PRAMEF11: variants seen among roughly 807,000 people sequenced by gnomAD.
PRAMEF11 encodes the protein PRAME family member 11.
Under a neutral mutation model 33.6 loss-of-function variants are expected in PRAMEF11, and 17 were observed. The ratio of observed to expected loss-of-function variants is 0.51; its 90% CI spans 0.35 to 0.76. The LOEUF (loss-of-function observed/expected upper bound fraction) is 0.76, where lower values mean the gene tolerates loss of function less well. Among genes scored for constraint, PRAMEF11 ranks in the 30% least tolerant of loss-of-function variants. PRAMEF11 has a pLI of 0.01. For synonymous variants in PRAMEF11, 205 were observed against 227.3 expected (o/e 0.90, Z 0.88); for missense variants, 568 against 567.0 (o/e 1.00, Z -0.02).
At chr1:12,831,331 G>A (rs1169510740) in intron 1 of PRAMEF11, 25 bp downstream of exon 1, 1 of 151,114 alleles carries the variant, frequency 6.6e-6, no homozygotes, top group Non-Finnish European at 1.5e-5. Flanking sequence ...AGATGGGAGT[G>A]TCCTTACAGA....
chr1:12,828,099 C>T (rs1639915164), intron 2 of PRAMEF11, among the ~76,000 whole-genome samples: 1 of 149,900 alleles, frequency 6.7e-6, no homozygotes, highest in Admixed American at 6.7e-5. Flanking sequence ...GATTCTCCTG[C>T]CTCAACCTCA....
rs1557608470 is a variant in PRAMEF11, at chr1:12,825,073, T to C, written c.1306A>G (p.Ile436Val). 6.2e-7 allele frequency: 1 copy of C among 1,609,792 alleles called. No homozygotes were observed. The highest frequency in any genetic ancestry group is 8.5e-7 in the Non-Finnish European group (1 of 1,177,758). Residue 436 changes from isoleucine to valine, a missense_variant, in exon 4 of 4, where the codon ATT becomes GTT. Around this residue, in one of 3 missense-constraint regions of PRAMEF11, gnomAD observed 174 missense variants for 127.2 expected, o/e 1.37. Coordinates refer to ENST00000619922, the MANE Select transcript of PRAMEF11 (RefSeq NM_001146344.3). ...GTLCWSRFAQIRAELMKKVRH... is the reference protein window; with the variant it reads ...GTLCWSRFAQVRAELMKKVRH... ...ACTTTCTTCATCAGCTCAGCCCTAATTTGAGCAAATCTGCTCCAGCAGAGA... is the reference window on the plus strand; with the variant it reads ...ACTTTCTTCATCAGCTCAGCCCTAACTTGAGCAAATCTGCTCCAGCAGAGA...
At position 12,825,129 on chromosome 1, in the gene PRAMEF11, G is replaced by A. The variant is rs146964579; in HGVS notation, c.1250C>T (p.Ala417Val). Residue 417 changes from alanine (A) to valine (V), a missense_variant, in exon 4 of 4, where the codon GCC becomes GTC. By Grantham distance (64) the Ala-to-Val change is moderately conservative. This residue lies in a region of PRAMEF11 where 174 missense variants were observed against 127.2 expected (regional missense o/e 1.37). Transcript: ENST00000619922. ...LKNLCLELYP[A>V]PQESYGADGT... ...ATCAGCACCATAACTTTCCTGCGGG[G>A]CAGGATACAGCTCCAGGCATAAGTT... is the stretch of plus-strand genomic sequence containing the variant. 4.9e-4 allele frequency: 788 copies of A among 1,609,426 alleles called. 20 individuals carry two copies. The African/African-American group carries it at 9.7e-3, about 20-fold the overall frequency.
chr1:12,828,893 C>G (rs61777006), intron 1 of PRAMEF11, 88 bp from the exon 2 acceptor site: 3 of 1,571,066 alleles, frequency 1.9e-6, no homozygotes, highest in South Asian at 1.1e-5. Flanking sequence ...AGTCACTGCT[C>G]TGGCAATGGT....
intron 1 of PRAMEF11, 74 bp from the exon 2 acceptor site, chr1:12,828,879 C>G (rs1483355503): frequency 1.3e-6 from 2 of 1,591,918 alleles, no homozygotes; most frequent in East Asian, 2.3e-5. Flanking sequence ...TCTCCCAGGG[C>G]CAAAGTCACT....
intron 1 of PRAMEF11, among the ~76,000 whole-genome samples, chr1:12,829,077 C>T (rs1429517746): frequency 2.0e-5 from 3 of 151,312 alleles, no homozygotes; most frequent in Non-Finnish European, 4.4e-5. Flanking sequence ...GTGGAGGAAC[C>T]TGAAAGTGAA....
rs61664550 is a variant in PRAMEF11, at chr1:12,828,686, G to A, written c.104C>T (p.Thr35Met). Residue 35 changes from threonine to methionine, a missense_variant, in exon 2 of 4, where the codon ACG (threonine) becomes ATG (methionine). Physicochemically the swap from Thr to Met is moderately conservative, Grantham distance 81. Around this residue, in one of 3 missense-constraint regions of PRAMEF11, gnomAD observed 342 missense variants for 312.0 expected, o/e 1.10. Transcript: ENST00000619922. Reference sequence around the variant, plus strand: ...CATGAACAGTGGGGGGAAAAGTTCCGTGGGCAGCTCCTCCAGGGTGGAGAC... The same window carrying A: ...CATGAACAGTGGGGGGAAAAGTTCCATGGGCAGCTCCTCCAGGGTGGAGAC... ...LAVSTLEELP[T>M]ELFPPLFMEA... 6.4e-4 allele frequency: 1,035 copies of A among 1,610,458 alleles called. 26 individuals carry two copies. The African/African-American group carries it at 0.012, about 18-fold the overall frequency.
At position 12,824,893 on chromosome 1, in the gene PRAMEF11, A is replaced by C. The variant is rs534117334; in HGVS notation, c.*49T>G. On this transcript the variant is annotated 3_prime_UTR_variant, in exon 4 of 4. Coordinates refer to ENST00000619922, the MANE Select transcript of PRAMEF11 (RefSeq NM_001146344.3). ...ACCTAAGACCTAGGTTTTAGTTTCC[A>C]AGTGTCCAGAAGAAAGCGTTTGACA... 227 of 1,601,192 alleles carry C rather than the reference A, an allele frequency of 1.4e-4. 6 individuals are homozygous for C. Among genetic ancestry groups the C allele is most frequent in the Admixed American group, 4.8e-4 (28 of 58,550 alleles).
At chr1:12,828,409 C>T (rs1639924219) in intron 2 of PRAMEF11, 88 bp downstream of exon 2, 7 of 1,447,064 alleles carry the variant, frequency 4.8e-6, no homozygotes, top group Non-Finnish European at 6.6e-6. Context: ...ACCACCATCC[C>T]CCTTGGGCCT....
In PRAMEF11 at chr1:12,830,285, G is replaced by A. The variant is rs770546664; in HGVS notation, c.-17+1071C>T. Reference sequence around the variant, plus strand: ...TATATCCAAAGATCACCTAGGTGGCGTAATTCTTTTTGGTGTTGAGGGAGC... The same window carrying A: ...TATATCCAAAGATCACCTAGGTGGCATAATTCTTTTTGGTGTTGAGGGAGC... On this transcript the variant is annotated intron_variant, in intron 1 of 3. Transcript: ENST00000619922. 3.6e-4 allele frequency among the ~76,000 whole-genome samples: 55 copies of A among 151,118 alleles called. 3 individuals carry two copies. Among genetic ancestry groups the A allele is most frequent in the Non-Finnish European group, 7.1e-4 (48 of 67,704 alleles).
intron 1 of PRAMEF11, among the ~76,000 whole-genome samples, chr1:12,829,596 C>A (rs1206078203): frequency 6.6e-6 from 1 of 151,358 alleles, no homozygotes; most frequent in African/African-American, 2.4e-5. Flanking sequence ...TTTGTAAAGA[C>A]AGTGGATTTC....
At chr1:12,825,951 G>T (rs1224684623) in intron 3 of PRAMEF11, among the ~76,000 whole-genome samples, 2 of 147,832 alleles carry the variant, frequency 1.4e-5, no homozygotes, top group South Asian at 4.5e-4. Flanking sequence ...TCCAGCCTGG[G>T]TGACAGAGTG....
chr1:12,827,450 T>A lies in PRAMEF11; in HGVS notation c.674A>T (p.Gln225Leu), dbSNP rs764344867. The A allele has an allele frequency of 2.5e-6, 4 of 1,610,302 alleles. 1 individual carries two copies. In the African/African-American group the frequency reaches 5.4e-5, roughly 22 times the overall value. Residue 225 changes from glutamine (Q) to leucine (L), a missense_variant, in exon 3 of 4, where the codon CAG (glutamine) becomes CTG (leucine). Gln to Leu is a moderately radical substitution (Grantham distance 113). Transcript: ENST00000619922. ...CAAGTGGCCCAGGTATGGGGTAAAC[T>A]GTGTCAGGATGGGCAGTATCCACTT... ...NCKWILPILTQFTPYLGHLRN... is the reference protein window; with the variant it reads ...NCKWILPILTLFTPYLGHLRN...
chr1:12,826,934 A>G (rs1478179145), intron 3 of PRAMEF11, among the ~76,000 whole-genome samples: 1 of 151,130 alleles, frequency 6.6e-6, no homozygotes, highest in Non-Finnish European at 1.5e-5. Context: ...CCTATTTTTC[A>G]TCATCTTAAC....
intron 3 of PRAMEF11, among the ~76,000 whole-genome samples, chr1:12,826,934 A>T (rs1478179145): frequency 1.3e-5 from 2 of 151,242 alleles, no homozygotes; most frequent in Middle Eastern, 3.5e-3. Context: ...CCTATTTTTC[A>T]TCATCTTAAC....
Position 12,827,512 on chromosome 1 carries a change from C to T in PRAMEF11, c.612G>A (p.Val204=), listed in dbSNP as rs267597974. The T allele has an allele frequency of 4.3e-5, 70 of 1,611,278 alleles. 1 individual carries two copies. Among genetic ancestry groups the T allele is most frequent in the Non-Finnish European group, 5.3e-5 (63 of 1,179,178 alleles). Residue 204 remains valine (V), a synonymous_variant, in exon 3 of 4, where the codon GTG becomes GTA. Coordinates refer to ENST00000619922, the MANE Select transcript of PRAMEF11 (RefSeq NM_001146344.3). ...FRNIRSILKM[V]NLDCIQEVEV... ...CCACCTCCTGGATACAGTCTAGGTTCACCATTTTCAGGATGCTTCTGATAT... is the reference window on the plus strand; with the variant it reads ...CCACCTCCTGGATACAGTCTAGGTTTACCATTTTCAGGATGCTTCTGATAT...
Position 12,828,673 on chromosome 1 carries a change from G to C in PRAMEF11, c.117C>G (p.Pro39=). The C allele has an allele frequency of 1.2e-6, 2 of 1,603,676 alleles. No homozygotes were observed. The highest frequency in any genetic ancestry group is 1.7e-6 in the Non-Finnish European group (2 of 1,174,144). Residue 39 remains proline, a synonymous_variant, in exon 2 of 4, where the codon CCC becomes CCG. Transcript: ENST00000619922. ...TLEELPTELF[P]PLFMEAFSRR... is the part of the protein sequence containing the mutation. Reference sequence around the variant, plus strand: ...TGCTGAAGGCCTCCATGAACAGTGGGGGGAAAAGTTCCGTGGGCAGCTCCT... The same window carrying C: ...TGCTGAAGGCCTCCATGAACAGTGGCGGGAAAAGTTCCGTGGGCAGCTCCT...
Position 12,827,531 on chromosome 1 carries a change from C to G in PRAMEF11, c.593G>C (p.Arg198Thr), listed in dbSNP as rs757998801. 184 of 1,610,536 alleles carry G rather than the reference C, an allele frequency of 1.1e-4. 8 individuals are homozygous for G. The highest frequency in any genetic ancestry group is 1.4e-4 in the Non-Finnish European group (168 of 1,178,462). The stretch of plus-strand genomic sequence containing the variant: ...TAGGTTCACCATTTTCAGGATGCTT[C>G]TGATATTGCGGAAGGGCATTCCCAA... The part of the protein sequence containing the change: ...KILGMPFRNI[R>T]SILKMVNLDC... Residue 198 changes from arginine (R) to threonine (T), a missense_variant, in exon 3 of 4, where the codon AGA becomes ACA. Coordinates refer to ENST00000619922, the MANE Select transcript of PRAMEF11 (RefSeq NM_001146344.3).
intron 3 of PRAMEF11, among the ~76,000 whole-genome samples, chr1:12,825,889 G>A (rs1256382512): frequency 6.0e-5 from 9 of 150,182 alleles, no homozygotes; most frequent in East Asian, 2.0e-4. Context: ...CAGAAGAATC[G>A]CTTGAACCCA....
Sources: gnomAD v4.1 joint callset for allele counts (sites outside exome capture counted in the v4.1 genomes callset) on GRCh38, gnomAD v4.1.1 for gene constraint, gnomAD v4.1.1 regional missense constraint, MANE v1.5 for transcripts, NCBI Gene and HGNC (gene_info 2026-07-23, HGNC 2026-07-21) for gene names.